Variants in TCEANC2 observed in about 807,000 individuals in gnomAD.
TCEANC2 encodes the protein transcription elongation factor A N-terminal and central domain-containing protein 2.
Under a neutral mutation model 22.8 loss-of-function variants are expected in TCEANC2, and 20 were observed. That is an observed-to-expected ratio of 0.88 (90% confidence interval 0.62 to 1.28). The LOEUF is 1.28. Among genes scored for constraint, TCEANC2 ranks in the 50% most tolerant of loss-of-function variants. The probability of loss-of-function intolerance (pLI) is 0.00; values close to 1 mark genes in which losing one functional copy is unlikely to be tolerated. For missense variants in TCEANC2, 251 were observed against 249.7 expected (o/e 1.01, Z -0.03); for synonymous variants, 84 against 95.5 (o/e 0.88, Z 0.70).
rs1474411012 is a variant in TCEANC2 at position 54,101,053 on chromosome 1, G to A, written c.*4580G>A. Reference sequence around the variant, plus strand: ...AAAAATGGCAGGAGACCCAGATAATGCATTTACTGTGTTCTGTGGTGAAGG... The same window carrying A: ...AAAAATGGCAGGAGACCCAGATAATACATTTACTGTGTTCTGTGGTGAAGG... On this transcript the variant is annotated 3_prime_UTR_variant, in exon 5 of 5. Transcript: ENST00000234827. 1 of 151,958 alleles carries A rather than the reference G, an allele frequency of 6.6e-6. No homozygotes were observed. Among genetic ancestry groups the A allele is most frequent in the Non-Finnish European group, 1.5e-5 (1 of 68,000 alleles). 9.4% of individuals were successfully genotyped at this position (151,958 alleles called of 1,614,324 possible). A position where few individuals can be genotyped will look rare whatever the true frequency, so the allele number is the denominator to read the frequency against.
downstream of TCEANC2, among the ~76,000 whole-genome samples, chr1:54,110,035 G>C (rs1270640912): frequency 6.6e-6 from 1 of 152,204 alleles, no homozygotes; most frequent in South Asian, 2.1e-4. Context: ...CTGTGTGTTA[G>C]AGGGGAATCA....
At chr1:54,057,476 C>T (rs1294168038) in intron 2 of TCEANC2, among the ~76,000 whole-genome samples, 2 of 150,864 alleles carry the variant, frequency 1.3e-5, no homozygotes, top group Non-Finnish European at 2.9e-5. Context: ...CAGGCATGAG[C>T]CACTACGCCT....
At chr1:54,107,422 T>G (rs186852832), downstream of TCEANC2, among the ~76,000 whole-genome samples, 208 of 152,252 alleles carry the variant, frequency 1.4e-3, 3 homozygotes, top group East Asian at 1.2e-3. Context: ...TGCCAGATTT[T>G]CCCACTATGA....
downstream of TCEANC2, among the ~76,000 whole-genome samples, chr1:54,108,511 A>G (rs1284137289): frequency 6.6e-6 from 1 of 152,210 alleles, no homozygotes; most frequent in Non-Finnish European, 1.5e-5. Context: ...GTGGCCACCT[A>G]CAAGCCAAGG....
At chr1:54,054,357 G>C (rs769327869) in intron 1 of TCEANC2, 24 bp from the exon 2 acceptor site, 2 of 1,598,190 alleles carry the variant, frequency 1.3e-6, no homozygotes, top group African/African-American at 1.3e-5. Context: ...TGGGGTTTTA[G>C]AATCTGCCCT....
intron 4 of TCEANC2, among the ~76,000 whole-genome samples, chr1:54,090,408 A>G (rs765146859): frequency 6.6e-6 from 1 of 152,188 alleles, no homozygotes; most frequent in Non-Finnish European, 1.5e-5. Context: ...TGAGATTTAT[A>G]TAGAGTGAAT....
At chr1:54,090,054 TC>T in intron 4 of TCEANC2, 3 of 661,374 alleles carry the variant, frequency 4.5e-6, no homozygotes, top group Admixed American at 1.9e-5. Flanking sequence ...ATGGAACCTG[TC>T]CCCTGTTGGC....
rs1330539524 is a variant in TCEANC2 at position 54,079,676 on chromosome 1, G to A, written c.245-8921G>A. 2.0e-5 allele frequency among the ~76,000 whole-genome samples: 3 copies of A among 152,110 alleles called. No homozygotes were observed. The South Asian group carries it at 6.2e-4, about 32-fold the overall frequency. On this transcript the variant is annotated intron_variant, in intron 3 of 4. Transcript: ENST00000234827. ...TTTAAGGACTCATGTGACTAGATTG[G>A]GCCCACTTGGAAAAGCCAGGCTAAT...
At chr1:54,056,623 C>T (rs1013666243) in intron 2 of TCEANC2, among the ~76,000 whole-genome samples, 24 of 152,080 alleles carry the variant, frequency 1.6e-4, no homozygotes, top group African/African-American at 4.8e-4. Flanking sequence ...CGGCACCTGG[C>T]CCAAACACCC....
chr1:54,057,581 A>G (rs888672728), intron 2 of TCEANC2, among the ~76,000 whole-genome samples: 2 of 152,040 alleles, frequency 1.3e-5, no homozygotes, highest in African/African-American at 2.4e-5. Context: ...CTTCTCATCT[A>G]GAGCAGTGCT....
Position 54,088,602 on chromosome 1 carries a change from A to G in TCEANC2, c.250A>G (p.Thr84Ala). Reference protein sequence around the residue: ...EVLKSTRIGHTVNKMRKHSDS... With the variant: ...EVLKSTRIGHAVNKMRKHSDS... The stretch of plus-strand genomic sequence containing the variant: ...TTTTTCTCTTCCTGTTCCAGGTCAC[A>G]CTGTGAACAAGATGCGTAAACACTC... The change falls in exon 4 of 5, where the codon ACT becomes GCT. Residue 84 changes from threonine (T) to alanine (A), a missense_variant. Coordinates refer to ENST00000234827, the MANE Select transcript of TCEANC2 (RefSeq NM_153035.3). 6.3e-7 allele frequency: 1 copy of G among 1,599,640 alleles called. No homozygotes were observed. The highest frequency in any genetic ancestry group is 2.2e-5 in the East Asian group (1 of 44,452).
rs1005437990 is a variant in TCEANC2 at position 54,105,871 on chromosome 1, G to C, written c.*9398G>C. 2 of 151,888 alleles carry C rather than the reference G, an allele frequency of 1.3e-5. No homozygotes were observed. Among genetic ancestry groups the C allele is most frequent in the African/African-American group, 4.8e-5 (2 of 41,308 alleles). 9.4% of individuals were successfully genotyped at this position (151,888 alleles called of 1,614,324 possible). ...CTTGACCTCGTGATCCGCGCTCCTC[G>C]GCCTCCCAAAGTGCTGGGATTATAG... is the stretch of plus-strand genomic sequence containing the variant. On this transcript the variant is annotated 3_prime_UTR_variant, in exon 5 of 5. Transcript: ENST00000234827.
At chr1:54,067,726 T>G (rs1657984300) in intron 2 of TCEANC2, among the ~76,000 whole-genome samples, 1 of 152,196 alleles carries the variant, frequency 6.6e-6, no homozygotes, top group South Asian at 2.1e-4. Flanking sequence ...GAGATAAGAC[T>G]TTTTTGTTGT....
At position 54,095,389 on chromosome 1, in the gene TCEANC2, C is replaced by T. The variant is rs148778599; in HGVS notation, c.439-896C>T. Among the ~76,000 whole-genome samples, 305 of 152,180 alleles carry T rather than the reference C, an allele frequency of 2.0e-3. 4 individuals are homozygous for T. The highest frequency in any genetic ancestry group is 6.9e-3 in the African/African-American group (286 of 41,516). On this transcript the variant is annotated intron_variant, in intron 4 of 4. Transcript: ENST00000234827. ...TGAAAGTGGTCAAGAGTGGAGTGCT[C>T]AGGGCCAGGTGTGGTCAGGATTGGG...
At chr1:54,065,112 C>T (rs1220787017) in intron 2 of TCEANC2, among the ~76,000 whole-genome samples, 2 of 151,978 alleles carry the variant, frequency 1.3e-5, no homozygotes, top group African/African-American at 4.8e-5. Context: ...AAGATAAGAA[C>T]AGAATAGTAT....
rs1658660592 is a variant in TCEANC2 at position 54,101,337 on chromosome 1, A to T, written c.*4864A>T. On this transcript the variant is annotated 3_prime_UTR_variant, in exon 5 of 5. Transcript: ENST00000234827. Reference sequence around the variant, plus strand: ...TTGGGTGACACTACCCTGGTATCAAAGGAAAGATGGTTTGATTGGATGACA... The same window carrying T: ...TTGGGTGACACTACCCTGGTATCAATGGAAAGATGGTTTGATTGGATGACA... The T allele has an allele frequency of 6.6e-6, 1 of 152,236 alleles. No homozygotes were observed. The highest frequency in any genetic ancestry group is 1.5e-5 in the Non-Finnish European group (1 of 68,042). 9.4% of individuals were successfully genotyped at this position (152,236 alleles called of 1,614,324 possible).
intron 4 of TCEANC2, among the ~76,000 whole-genome samples, chr1:54,091,473 A>C (rs1658445927): frequency 6.6e-6 from 1 of 152,220 alleles, no homozygotes; most frequent in East Asian, 1.9e-4. Context: ...TGATCCTAGC[A>C]TGTGTTATTG....
intron 3 of TCEANC2, among the ~76,000 whole-genome samples, chr1:54,074,607 A>G (rs1658114708): frequency 6.6e-6 from 1 of 152,260 alleles, no homozygotes; most frequent in African/African-American, 2.4e-5. Flanking sequence ...AGAAGCAGAA[A>G]GAAAACAAAA....
Position 54,104,402 on chromosome 1 carries a change from C to T in TCEANC2, c.*7929C>T, listed in dbSNP as rs573645736. ...ATATCAGGAGACTACTAGGCAAGAA[C>T]AGTCACCATTCTTTGAGGGATAATT... On this transcript the variant is annotated 3_prime_UTR_variant, in exon 5 of 5. Transcript: ENST00000234827. 2 of 309,852 alleles carry T rather than the reference C, an allele frequency of 6.5e-6. No homozygotes were observed. Among genetic ancestry groups the T allele is most frequent in the Admixed American group, 3.9e-5 (1 of 25,508 alleles). The allele number at this position is 309,852 out of a possible 1,614,324, so 19.2% of individuals were successfully genotyped here.
Sources: allele counts gnomAD v4.1 joint callset (sites outside exome capture counted in the v4.1 genomes callset), GRCh38; gene constraint gnomAD v4.1.1; transcripts MANE v1.5; gene names NCBI Gene and HGNC (gene_info 2026-07-23, HGNC 2026-07-21).